Variants in FGF14 observed in about 807,000 individuals in gnomAD.
FGF14 encodes fibroblast growth factor 14.
In FGF14, 5 loss-of-function variants were observed where a neutral mutation model predicts 25.5. That is an observed-to-expected ratio of 0.20 (90% confidence interval 0.10 to 0.41). The LOEUF (loss-of-function observed/expected upper bound fraction) is 0.41, where lower values mean the gene tolerates loss of function less well. Among genes scored for constraint, FGF14 ranks in the 10% least tolerant of loss-of-function variants. The pLI, the probability that FGF14 is intolerant of heterozygous loss-of-function variation, is 1.00. For synonymous variants in FGF14, 138 were observed against 118.3 expected, an observed-to-expected ratio of 1.17 and a Z score of -1.08; for missense variants, 222 against 320.1, an observed-to-expected ratio of 0.69 and a Z score of 2.34.
At chr13:102,268,871 G>A (rs1467075892) in intron 1 of FGF14, among the ~76,000 whole-genome samples, 1 of 152,054 alleles carries the variant, frequency 6.6e-6, no homozygotes, top group Non-Finnish European at 1.5e-5. Flanking sequence ...AACTCACCAT[G>A]GCAACCAATT....
chr13:101,910,080 C>T (rs944325212), intron 1 of FGF14, among the ~76,000 whole-genome samples: 5 of 148,816 alleles, frequency 3.4e-5, no homozygotes, highest in African/African-American at 7.5e-5. Context: ...ACATCACACA[C>T]GAGGGCCTGT....
intron 3 of FGF14, among the ~76,000 whole-genome samples, chr13:101,758,975 C>T (rs2037830675): frequency 6.6e-6 from 1 of 152,152 alleles, no homozygotes; most frequent in Admixed American, 6.5e-5. Context: ...ATAACAAAAG[C>T]ACCTTTTCCA....
In FGF14 at chr13:101,885,348, G is replaced by A. The variant is rs577227020; in HGVS notation, c.194-10052C>T. On this transcript the variant is annotated intron_variant, in intron 1 of 4. Transcript: ENST00000376143. ...CACTGTGTGGACATGTTTTCAGGGT[G>A]GAGGGTGGGAGGGAGGAAGAGAAAG... Among the ~76,000 whole-genome samples the A allele has an allele frequency of 4.6e-5, 7 of 152,234 alleles. No homozygotes were observed. The South Asian group carries it at 1.5e-3, about 32-fold the overall frequency.
At chr13:101,909,648 T>A (rs373454449) in intron 1 of FGF14, among the ~76,000 whole-genome samples, 2 of 152,330 alleles carry the variant, frequency 1.3e-5, no homozygotes, top group East Asian at 3.9e-4. Flanking sequence ...TTGGTGGGAC[T>A]GTAAACTAGT....
At chr13:101,784,408 C>T (rs2039687653) in intron 3 of FGF14, among the ~76,000 whole-genome samples, 1 of 152,112 alleles carries the variant, frequency 6.6e-6, no homozygotes, top group Non-Finnish European at 1.5e-5. Flanking sequence ...TCAATTTATT[C>T]AGATCCCACA....
chr13:101,917,145 G>A (rs1054823453), upstream of FGF14, among the ~76,000 whole-genome samples: 2 of 151,614 alleles, frequency 1.3e-5, no homozygotes, highest in Non-Finnish European at 2.9e-5. Context: ...ACTCAGCGCC[G>A]GGCTCCAGCT....
chr13:102,049,482 G>C (rs1414030661), intron 1 of FGF14, among the ~76,000 whole-genome samples: 3 of 152,054 alleles, frequency 2.0e-5, no homozygotes, highest in Admixed American at 6.6e-5. Flanking sequence ...CAAAAAAATA[G>C]GAGACAGAAT....
chr13:102,243,659 T>TG (rs989031952), intron 1 of FGF14, among the ~76,000 whole-genome samples: 4 of 150,806 alleles, frequency 2.7e-5, no homozygotes, highest in African/African-American at 9.7e-5. Context: ...GGGCATGTTT[T>TG]TTTTTTTTTT....
chr13:101,781,421 C>G (rs2039484479), intron 3 of FGF14, among the ~76,000 whole-genome samples: 1 of 152,098 alleles, frequency 6.6e-6, no homozygotes, highest in Non-Finnish European at 1.5e-5. Context: ...AACTCAAAGA[C>G]TAAATGAATA....
chr13:102,377,555 T>A (rs1378257906), intron 1 of FGF14, among the ~76,000 whole-genome samples: 4 of 152,152 alleles, frequency 2.6e-5, no homozygotes, highest in South Asian at 2.1e-4. Context: ...ACGCCTGTAA[T>A]CCCAGCACTT....
chr13:101,711,422 A>G lies in FGF14; in HGVS notation c.*11409T>C, dbSNP rs561593818. ...ATCCCCAGAAAAGAGAAAGAGTGAA[A>G]GATGCTTCACAAAATCGGCCTCAGC... On this transcript the variant is annotated 3_prime_UTR_variant, in exon 5 of 5. Transcript: ENST00000376143. The G allele has an allele frequency of 6.6e-6, 1 of 152,470 alleles. No individual in the cohort carries two copies. Among genetic ancestry groups the G allele is most frequent in the African/African-American group, 2.4e-5 (1 of 41,588 alleles). The allele number at this position is 152,470 out of a possible 1,614,324, so 9.4% of individuals were successfully genotyped here.
At chr13:102,057,558 T>C (rs1566629638) in intron 1 of FGF14, among the ~76,000 whole-genome samples, 1 of 152,274 alleles carries the variant, frequency 6.6e-6, no homozygotes, top group South Asian at 2.1e-4. Flanking sequence ...ACCATACCTA[T>C]TTTTTAATAC....
At chr13:101,915,323 T>C (rs552987301) in intron 1 of FGF14, among the ~76,000 whole-genome samples, 2 of 152,354 alleles carry the variant, frequency 1.3e-5, no homozygotes, top group African/African-American at 4.8e-5. Flanking sequence ...GTATAGCTTA[T>C]GCTTCTATCC....
intron 1 of FGF14, among the ~76,000 whole-genome samples, chr13:101,913,830 T>C (rs894632137): frequency 6.6e-6 from 1 of 152,140 alleles, no homozygotes; most frequent in Non-Finnish European, 1.5e-5. Context: ...CATAATTCTT[T>C]ATCCCAGCTC....
intron 1 of FGF14, among the ~76,000 whole-genome samples, chr13:102,029,816 A>T (rs1283688775): frequency 6.6e-6 from 1 of 152,154 alleles, no homozygotes; most frequent in Non-Finnish European, 1.5e-5. Flanking sequence ...TTTAGTAAGA[A>T]TGGTGGGAAA....
intron 3 of FGF14, among the ~76,000 whole-genome samples, chr13:101,797,336 G>C (rs2040585459): frequency 6.6e-6 from 1 of 152,062 alleles, no homozygotes; most frequent in African/African-American, 2.4e-5. Flanking sequence ...GTTCCTCAAA[G>C]AGTACTTTCT....
intron 1 of FGF14, among the ~76,000 whole-genome samples, chr13:102,128,462 A>G (rs2046044582): frequency 6.6e-6 from 1 of 152,178 alleles, no homozygotes; most frequent in African/African-American, 2.4e-5. Flanking sequence ...TGTAATTCCC[A>G]TTTGGCTCTG....
At chr13:101,894,229 A>G (rs72662431) in intron 1 of FGF14, among the ~76,000 whole-genome samples, 3,584 of 152,270 alleles carry the variant, frequency 0.024, 68 homozygotes, top group Middle Eastern at 0.054. Flanking sequence ...TTACAAATAT[A>G]CAAATATGGA....
At chr13:102,130,654 T>C (rs1049287327) in intron 1 of FGF14, among the ~76,000 whole-genome samples, 3 of 151,818 alleles carry the variant, frequency 2.0e-5, no homozygotes, top group Non-Finnish European at 4.4e-5. Flanking sequence ...CTATCACAGG[T>C]AGAAAATAAA....
Sources: allele counts gnomAD v4.1 joint callset (sites outside exome capture counted in the v4.1 genomes callset), GRCh38; gene constraint gnomAD v4.1.1; transcripts MANE v1.5; gene names NCBI Gene and HGNC (gene_info 2026-07-23, HGNC 2026-07-21).